USP1: variants seen among roughly 807,000 people sequenced by gnomAD.
The protein encoded by USP1 is ubiquitin carboxyl-terminal hydrolase 1.
USP1 carries 18 observed loss-of-function variants against 72.2 expected under a neutral mutation model. That is an observed-to-expected ratio of 0.25 (90% CI 0.17 to 0.37). The LOEUF (loss-of-function observed/expected upper bound fraction) is 0.37, where lower values mean the gene tolerates loss of function less well. USP1 is among the 10% of genes least tolerant of loss of function. The pLI, the probability that USP1 is intolerant of heterozygous loss-of-function variation, is 1.00. For missense variants in USP1, 759 were observed against 884.9 expected (o/e 0.86, Z 1.81); for synonymous variants, 354 against 303.7 (o/e 1.17, Z -1.72).
At chr1:62,445,549 AT>A (rs763557018) in intron 6 of USP1, 120 bp downstream of exon 6, 7 of 897,818 alleles carry the variant, frequency 7.8e-6, no homozygotes, top group African/African-American at 1.7e-5. Context: ...AGAGAAGGAA[AT>A]TTAACACTGA....
intron 5 of USP1, 107 bp downstream of exon 5, chr1:62,443,426 A>C: frequency 8.5e-7 from 1 of 1,171,794 alleles, no homozygotes; most frequent in East Asian, 2.8e-5. Flanking sequence ...GAAAGTAGAA[A>C]CTCTAGGTCC....
intron 7 of USP1, 60 bp from the exon 8 acceptor site, chr1:62,448,405 T>C (rs1388372241): frequency 1.4e-5 from 21 of 1,510,304 alleles, no homozygotes; most frequent in African/African-American, 9.8e-5. Flanking sequence ...CCTGAAACTT[T>C]GTGGTTTATT....
intron 5 of USP1, among the ~76,000 whole-genome samples, chr1:62,443,943 G>A (rs1485480475): frequency 6.6e-6 from 1 of 152,030 alleles, no homozygotes; most frequent in African/African-American, 2.4e-5. Flanking sequence ...AGAACTAGGT[G>A]CAATATATTG....
chr1:62,448,298 G>C (rs532770729), intron 7 of USP1, among the ~76,000 whole-genome samples, 167 bp from the exon 8 acceptor site: 21 of 152,294 alleles, frequency 1.4e-4, no homozygotes, highest in African/African-American at 3.1e-4. Flanking sequence ...TATGTATACT[G>C]TTGAGGATGC....
rs975210563 is a variant in USP1 at position 62,444,620 on chromosome 1, T to C, written c.558-118T>C. ...TCCAAATTAGTGCTGAATAAATGTC[T>C]TGACATTTAAAAAATGAAATAATTT... On this transcript the variant is annotated intron_variant, in intron 5 of 8. Transcript: ENST00000339950. The C allele has an allele frequency of 3.5e-6, 3 of 850,048 alleles. No individual in the cohort carries two copies. The African/African-American group carries it at 5.4e-5, about 15-fold the overall frequency. The allele number at this position is 850,048 out of a possible 1,614,324, so 52.7% of individuals were successfully genotyped here.
At chr1:62,441,167 G>C (rs1322555751) in intron 2 of USP1, among the ~76,000 whole-genome samples, 1 of 152,114 alleles carries the variant, frequency 6.6e-6, no homozygotes, top group Non-Finnish European at 1.5e-5. Context: ...TAAACTATTT[G>C]ATTAAAATGT....
chr1:62,445,459 A>G (rs1295072918), intron 6 of USP1, 30 bp downstream of exon 6: 2 of 1,480,722 alleles, frequency 1.4e-6, no homozygotes, highest in Non-Finnish European at 1.8e-6. Context: ...TTTGATAGGT[A>G]GAAGCATTAG....
At chr1:62,447,314 A>T in intron 6 of USP1, 27 bp from the exon 7 acceptor site, 1 of 1,603,646 alleles carries the variant, frequency 6.2e-7, no homozygotes, top group Middle Eastern at 1.7e-4. Context: ...ATCTGTATAG[A>T]CTTACATTTT....
chr1:62,448,660 G>A lies in USP1; in HGVS notation c.1616G>A (p.Gly539Asp). ...CATTTGAAGTGCTTTGCTGCTAGTG[G>A]TTTGGAGTAAGTATTGTAAATAAGA... is the stretch of plus-strand genomic sequence containing the variant. ...TIHLKCFAAS[G>D]LEFDCYGGGL... is the part of the protein sequence containing the mutation. The change falls in exon 8 of 9, where the codon GGT becomes GAT. Residue 539 changes from glycine (G) to aspartate (D), a missense_variant. Physicochemically the swap from Gly to Asp is moderately conservative, Grantham distance 94. Coordinates refer to ENST00000339950, the MANE Select transcript of USP1 (RefSeq NM_003368.5). The A allele has an allele frequency of 1.2e-6, 2 of 1,612,490 alleles. No individual in the cohort carries two copies. Among genetic ancestry groups the A allele is most frequent in the Non-Finnish European group, 1.7e-6 (2 of 1,179,852 alleles).
intron 7 of USP1, among the ~76,000 whole-genome samples, 177 bp from the exon 8 acceptor site, chr1:62,448,288 T>C (rs1645190367): frequency 6.6e-6 from 1 of 152,210 alleles, no homozygotes; most frequent in Non-Finnish European, 1.5e-5. Flanking sequence ...ATTTAAAAGG[T>C]ATGTATACTG....
At chr1:62,445,680 A>G (rs1645167090) in intron 6 of USP1, among the ~76,000 whole-genome samples, 2 of 150,582 alleles carry the variant, frequency 1.3e-5, no homozygotes, top group South Asian at 4.1e-4. Context: ...TTTATAGCTT[A>G]TAAAGTAGGG....
At chr1:62,444,310 G>A (rs1434138419) in intron 5 of USP1, among the ~76,000 whole-genome samples, 1 of 150,364 alleles carries the variant, frequency 6.7e-6, no homozygotes, top group Non-Finnish European at 1.5e-5. Flanking sequence ...CCAAGAGCGG[G>A]TTTGAATACT....
chr1:62,439,848 C>T lies in USP1; in HGVS notation c.-20C>T. ...CTCTATAAATTAACTCTTGACACTC[C>T]TTGGGATTTGAAGAAAAAAATGCCT... On this transcript the variant is annotated 5_prime_UTR_variant, in exon 2 of 9. Transcript: ENST00000339950. The T allele has an allele frequency of 7.2e-7, 1 of 1,379,806 alleles. No individual in the cohort carries two copies. Among genetic ancestry groups the T allele is most frequent in the Non-Finnish European group, 9.4e-7 (1 of 1,058,358 alleles). The allele number at this position is 1,379,806 out of a possible 1,614,324, so 85.5% of individuals were successfully genotyped here.
In USP1 at chr1:62,445,351, A is replaced by G; in HGVS notation, c.1171A>G (p.Thr391Ala). 1.2e-6 allele frequency: 2 copies of G among 1,610,800 alleles called. No individual in the cohort carries two copies. The highest frequency in any genetic ancestry group is 1.7e-6 in the Non-Finnish European group (2 of 1,179,116). ...DLGKCESDNTTNGCGLESPGN... is the reference protein window; with the variant it reads ...DLGKCESDNTANGCGLESPGN... ...GGGGAAGTGTGAAAGTGATAACACA[A>G]CTAATGGTTGTGGACTTGAATCTCC... Residue 391 changes from threonine to alanine, a missense_variant, in exon 6 of 9, where the codon ACT (threonine) becomes GCT (alanine). Physicochemically the swap from Thr to Ala is moderately conservative, Grantham distance 58. This residue lies in a region of USP1 where 245 missense variants were observed against 240.7 expected (regional missense o/e 1.02). Coordinates refer to ENST00000339950, the MANE Select transcript of USP1 (RefSeq NM_003368.5).
chr1:62,445,565 G>C (rs1400617054), intron 6 of USP1, 136 bp downstream of exon 6: 1 of 765,682 alleles, frequency 1.3e-6, no homozygotes, highest in African/African-American at 1.8e-5. Context: ...CACTGAATGT[G>C]AACTATGGTG....
At chr1:62,438,761 A>C (rs970019487) in intron 1 of USP1, among the ~76,000 whole-genome samples, 1 of 152,230 alleles carries the variant, frequency 6.6e-6, no homozygotes, top group Non-Finnish European at 1.5e-5. Flanking sequence ...GAAAGTTGCA[A>C]ATGGCAAACC....
intron 6 of USP1, among the ~76,000 whole-genome samples, chr1:62,447,059 C>T (rs982319838): frequency 3.3e-5 from 5 of 152,072 alleles, no homozygotes; most frequent in Admixed American, 1.3e-4. Context: ...GTGATCTGCC[C>T]GCCTCAGCCT....
chr1:62,445,274 A>G lies in USP1; in HGVS notation c.1094A>G (p.Gln365Arg), dbSNP rs370270954. 2.4e-5 allele frequency: 39 copies of G among 1,613,352 alleles called. No homozygotes were observed. The highest frequency in any genetic ancestry group is 2.4e-4 in the African/African-American group (18 of 74,892). ...FCSLGKITTN[Q>R]GVKGQSKENE... ...AGTCTGGGAAAAATAACAACAAACCAAGGAGTCAAAGGACAATCTAAAGAA... is the reference window on the plus strand; with the variant it reads ...AGTCTGGGAAAAATAACAACAAACCGAGGAGTCAAAGGACAATCTAAAGAA... Residue 365 changes from glutamine to arginine, a missense_variant, in exon 6 of 9, where the codon CAA becomes CGA. By Grantham distance (43) the Gln-to-Arg change is conservative. Transcript: ENST00000339950.
At chr1:62,449,807 G>C (rs1645201120) in intron 8 of USP1, among the ~76,000 whole-genome samples, 1 of 151,740 alleles carries the variant, frequency 6.6e-6, no homozygotes, top group Admixed American at 6.6e-5. Context: ...AACTACTCAG[G>C]AGGCTGAGGA....
Sources: allele counts gnomAD v4.1 joint callset (sites outside exome capture counted in the v4.1 genomes callset), GRCh38; gene constraint gnomAD v4.1.1; regional missense constraint gnomAD v4.1.1; transcripts MANE v1.5; gene names NCBI Gene and HGNC (gene_info 2026-07-23, HGNC 2026-07-21).